SAMD5: variants seen among roughly 807,000 people sequenced by gnomAD.
SAMD5 encodes sterile alpha motif domain-containing protein 5.
In SAMD5, 13 loss-of-function variants were observed where a neutral mutation model predicts 11.3. The ratio of observed to expected loss-of-function variants is 1.15; its 90% CI spans 0.75 to 1.83. The LOEUF is 1.83. Among genes scored for constraint, SAMD5 ranks in the 40% most tolerant of loss-of-function variants. The pLI, the probability that SAMD5 is intolerant of heterozygous loss-of-function variation, is 0.00. For synonymous variants in SAMD5, 129 were observed against 111.3 expected (o/e 1.16, Z -1.00); for missense variants, 255 against 239.1 (o/e 1.07, Z -0.44).
chr6:147,577,100 G>T (rs57115631), intron 1 of SAMD5, among the ~76,000 whole-genome samples: 3,182 of 152,300 alleles, frequency 0.021, 108 homozygotes, highest in African/African-American at 0.073. Context: ...CCTACTGCCT[G>T]CAAATCTTCT....
the SAMD5 span, among the ~76,000 whole-genome samples, chr6:147,808,141 A>C: frequency 1.3e-5 from 2 of 152,228 alleles, no homozygotes; most frequent in Non-Finnish European, 2.9e-5. Flanking sequence ...CATGAAAGGC[A>C]ACCTATGGGA....
At chr6:147,834,029 G>A in the SAMD5 span, among the ~76,000 whole-genome samples, 37 of 152,158 alleles carry the variant, frequency 2.4e-4, no homozygotes, top group Non-Finnish European at 2.6e-4. Context: ...CTTCCTTTGC[G>A]TTTACATTTT....
At chr6:147,927,642 C>T in the SAMD5 span, among the ~76,000 whole-genome samples, 71 of 152,236 alleles carry the variant, frequency 4.7e-4, no homozygotes, top group African/African-American at 1.7e-3. Flanking sequence ...TTTCTTCCTA[C>T]TTGGATGCCT....
At chr6:147,832,116 C>T in the SAMD5 span, among the ~76,000 whole-genome samples, 1 of 151,850 alleles carries the variant, frequency 6.6e-6, no homozygotes, top group Admixed American at 6.6e-5. Context: ...GAAGAAAAAC[C>T]TAATACATAG....
chr6:147,881,206 A>G, the SAMD5 span, among the ~76,000 whole-genome samples: 3 of 152,150 alleles, frequency 2.0e-5, no homozygotes, highest in East Asian at 5.8e-4. Context: ...TGGCAAAACT[A>G]AGATCTTTGT....
the SAMD5 span, among the ~76,000 whole-genome samples, chr6:147,750,520 G>A: frequency 6.6e-6 from 1 of 152,184 alleles, no homozygotes; most frequent in Non-Finnish European, 1.5e-5. Context: ...AGGATCCGTT[G>A]CTTCTCTCTC....
Position 147,711,742 on chromosome 6 carries a change from C to T in SAMD5, c.163-25575C>T, listed in dbSNP as rs761590166. Among the ~76,000 whole-genome samples the T allele has an allele frequency of 1.4e-4, 21 of 152,198 alleles. No homozygotes were observed. The highest frequency in any genetic ancestry group is 3.4e-3 in the Middle Eastern group (1 of 294). On this transcript the variant is annotated intron_variant, in intron 1 of 1. Transcript: ENST00000566741. This position sits in a 1 kb window ranked among gnomAD's most constrained non-coding sequence, Gnocchi z 4.1. ...TATTAAGTTTGTGGTATCCAGAAAC[C>T]GGGAAATATGTTTGTGTTGTGAGTT...
chr6:147,856,168 A>G, the SAMD5 span, among the ~76,000 whole-genome samples: 1 of 152,238 alleles, frequency 6.6e-6, no homozygotes, highest in Non-Finnish European at 1.5e-5. Flanking sequence ...GAAAAAGTCT[A>G]TAACACAAAG....
the SAMD5 span, among the ~76,000 whole-genome samples, chr6:147,921,435 C>G: frequency 7.6e-3 from 1,154 of 152,222 alleles, 16 homozygotes; most frequent in African/African-American, 0.026. Context: ...CACCACAGCC[C>G]TCACAGCTAG....
At chr6:147,853,075 T>C in the SAMD5 span, among the ~76,000 whole-genome samples, 5 of 152,200 alleles carry the variant, frequency 3.3e-5, no homozygotes, top group African/African-American at 9.7e-5. Context: ...CTTTGTTAGA[T>C]TGTACAGATT....
intron 1 of SAMD5, chr6:147,676,180 A>G (rs1790860091): frequency 6.6e-6 from 1 of 152,154 alleles, no homozygotes; most frequent in South Asian, 2.1e-4. Flanking sequence ...CAATTCAAAC[A>G]TCATTTTTAT....
the SAMD5 span, among the ~76,000 whole-genome samples, chr6:147,922,161 G>T: frequency 6.6e-6 from 1 of 152,096 alleles, no homozygotes; most frequent in Non-Finnish European, 1.5e-5. Flanking sequence ...GCCCGTGTGT[G>T]TCTCTGTCAT....
At chr6:147,922,793 T>A in the SAMD5 span, among the ~76,000 whole-genome samples, 12 of 152,156 alleles carry the variant, frequency 7.9e-5, no homozygotes, top group African/African-American at 2.4e-4. Context: ...TACTAAAAAA[T>A]CAATACAACT....
intron 1 of SAMD5, among the ~76,000 whole-genome samples, chr6:147,630,362 A>G (rs1366906053): frequency 6.6e-6 from 1 of 152,216 alleles, no homozygotes; most frequent in African/African-American, 2.4e-5. Flanking sequence ...ACTTGTGACA[A>G]GACTGTGGTG....
At chr6:147,755,986 G>A in the SAMD5 span, among the ~76,000 whole-genome samples, 1 of 152,010 alleles carries the variant, frequency 6.6e-6, no homozygotes, top group Non-Finnish European at 1.5e-5. Flanking sequence ...TTTCTCAAGA[G>A]CATTTTAGAA....
chr6:147,619,599 T>C (rs934281432), intron 1 of SAMD5, among the ~76,000 whole-genome samples: 9 of 152,160 alleles, frequency 5.9e-5, no homozygotes, highest in African/African-American at 1.9e-4. Context: ...AGAAGGAAAA[T>C]TGTGCTATTT....
At chr6:147,908,042 C>T in the SAMD5 span, among the ~76,000 whole-genome samples, 9 of 148,280 alleles carry the variant, frequency 6.1e-5, no homozygotes, top group African/African-American at 2.4e-4. Flanking sequence ...TCATTGACAA[C>T]TCTGTTTTCT....
intron 1 of SAMD5, among the ~76,000 whole-genome samples, chr6:147,729,280 G>C (rs1791674667): frequency 6.6e-6 from 1 of 152,170 alleles, no homozygotes; most frequent in East Asian, 1.9e-4. Context: ...TTTGGGGCTA[G>C]GACTCAACAT....
At chr6:147,630,735 C>T (rs189478995) in intron 1 of SAMD5, among the ~76,000 whole-genome samples, 9 of 152,298 alleles carry the variant, frequency 5.9e-5, no homozygotes, top group African/African-American at 1.7e-4. Context: ...GGTCTCTTCA[C>T]ACAGAAGCAC....
Sources: gnomAD v4.1 joint callset for allele counts (sites outside exome capture counted in the v4.1 genomes callset) on GRCh38, gnomAD v4.1.1 for gene constraint, Gnocchi (gnomAD v3.1) non-coding constraint, MANE v1.5 for transcripts, NCBI Gene and HGNC (gene_info 2026-07-23, HGNC 2026-07-21) for gene names.